PATL2: variants seen among roughly 807,000 people sequenced by gnomAD.
The protein encoded by PATL2 is protein PAT1 homolog 2.
PATL2 carries 73 observed loss-of-function variants against 77.0 expected under a neutral mutation model. That is an observed-to-expected ratio of 0.95 (90% confidence interval 0.78 to 1.15). The LOEUF is 1.15. PATL2 is among the 50% of genes most tolerant of loss of function. The probability of loss-of-function intolerance (pLI) is 0.00; values close to 1 mark genes in which losing one functional copy is unlikely to be tolerated. For missense variants in PATL2, 618 were observed against 655.4 expected, an observed-to-expected ratio of 0.94 and a Z score of 0.62; for synonymous variants, 265 against 257.1, an observed-to-expected ratio of 1.03 and a Z score of -0.29.
intron 6 of PATL2, among the ~76,000 whole-genome samples, chr15:44,673,692 G>A (rs186902497): frequency 3.9e-5 from 6 of 152,180 alleles, no homozygotes; most frequent in East Asian, 1.9e-4. Context: ...GTCTTCAGCC[G>A]CTGGGGCAGT....
intron 13 of PATL2, 43 bp downstream of exon 13, chr15:44,669,237 C>T: frequency 2.0e-6 from 3 of 1,535,774 alleles, no homozygotes; most frequent in Non-Finnish European, 1.8e-6. Flanking sequence ...GTCTTTGCTG[C>T]TCCTTCCCTT....
chr15:44,677,170 T>C (rs1423157736), intron 3 of PATL2, among the ~76,000 whole-genome samples: 1 of 152,204 alleles, frequency 6.6e-6, no homozygotes, highest in Non-Finnish European at 1.5e-5. Context: ...ACACCCTTCA[T>C]TGGTAGTTTG....
intron 3 of PATL2, among the ~76,000 whole-genome samples, chr15:44,683,020 T>C (rs1350987670): frequency 6.6e-6 from 1 of 152,186 alleles, no homozygotes; most frequent in Non-Finnish European, 1.5e-5. Context: ...GCCAAGGGAC[T>C]GTGAGGGACT....
chr15:44,679,556 T>TTC (rs2086085348), intron 3 of PATL2, among the ~76,000 whole-genome samples: 1 of 145,022 alleles, frequency 6.9e-6, no homozygotes, highest in African/African-American at 2.6e-5. Flanking sequence ...CTTTTTCTTT[T>TTC]TTTTTTTTTT....
Position 44,673,229 on chromosome 15 carries a change from C to A in PATL2, c.446+6G>T. 6.4e-7 allele frequency: 1 copy of A among 1,551,154 alleles called. No homozygotes were observed. The highest frequency in any genetic ancestry group is 8.7e-7 in the Non-Finnish European group (1 of 1,146,894). On this transcript the variant is annotated splice_donor_region_variant and intron_variant, in intron 7 of 17. Transcript: ENST00000682850. ...GAGACCTCTGGGGAGAACCTCAAAC[C>A]AGTACCTGAACCTAGGGGGCCACGA...
chr15:44,711,376 A>T, upstream of PATL2: 1 of 754,568 alleles, frequency 1.3e-6, no homozygotes, highest in Non-Finnish European at 2.3e-6. Flanking sequence ...ACTCTAAGAA[A>T]AGGAAACTGA....
Position 44,666,512 on chromosome 15 carries a change from T to C in PATL2, c.1493A>G (p.Glu498Gly), listed in dbSNP as rs1386761749. ...AGAGGCTGTAGGCATTTGGGCTATCTCCCAGGCAATCAGAACCACCATGTC... is the reference window on the plus strand; with the variant it reads ...AGAGGCTGTAGGCATTTGGGCTATCCCCCAGGCAATCAGAACCACCATGTC... ...WTDMVVLIAW[E>G]IAQMPTASLA... Residue 498 changes from glutamate (E) to glycine (G), a missense_variant, in exon 17 of 18, where the codon GAG becomes GGG. Glu to Gly is a moderately conservative substitution (Grantham distance 98). Coordinates refer to ENST00000682850, the MANE Select transcript of PATL2 (RefSeq NM_001387263.1). The C allele has an allele frequency of 6.4e-7, 1 of 1,551,116 alleles. No individual in the cohort carries two copies. Among genetic ancestry groups the C allele is most frequent in the Non-Finnish European group, 8.7e-7 (1 of 1,146,748 alleles).
chr15:44,676,621 C>T (rs1196492426), intron 3 of PATL2, 56 bp from the exon 4 acceptor site: 19 of 1,427,746 alleles, frequency 1.3e-5, no homozygotes, highest in Non-Finnish European at 3.8e-6. Flanking sequence ...GATGACATGG[C>T]ACCCTAAAAC....
At chr15:44,670,941 C>G (rs2085641986) in intron 9 of PATL2, among the ~76,000 whole-genome samples, 1 of 152,238 alleles carries the variant, frequency 6.6e-6, no homozygotes, top group African/African-American at 2.4e-5. Context: ...TGCTCAGCAG[C>G]TCTGACATTT....
chr15:44,669,596 A>G (rs1566849604), intron 11 of PATL2, 33 bp from the exon 12 acceptor site: 1 of 1,546,218 alleles, frequency 6.5e-7, no homozygotes, highest in South Asian at 1.2e-5. Context: ...TATCAGCTAC[A>G]CTGCCACTGC....
chr15:44,689,452 G>A (rs923296516), intron 3 of PATL2, among the ~76,000 whole-genome samples: 5 of 152,168 alleles, frequency 3.3e-5, no homozygotes, highest in African/African-American at 9.7e-5. Flanking sequence ...CAAAGACTTG[G>A]AACCAACCCA....
intron 3 of PATL2, among the ~76,000 whole-genome samples, chr15:44,694,937 A>G (rs999059797): frequency 6.6e-6 from 1 of 152,162 alleles, no homozygotes; most frequent in Non-Finnish European, 1.5e-5. Context: ...TTCAGCATGA[A>G]GTAGCCAGAA....
intron 3 of PATL2, among the ~76,000 whole-genome samples, chr15:44,684,057 A>C (rs942763828): frequency 6.6e-6 from 1 of 152,064 alleles, no homozygotes; most frequent in Non-Finnish European, 1.5e-5. Flanking sequence ...TCAACATAAA[A>C]AAAAAAAAAA....
At position 44,665,844 on chromosome 15, in the gene PATL2, A is replaced by C. The variant is rs1436827127; in HGVS notation, c.*109T>G. 2 of 1,544,714 alleles carry C rather than the reference A, an allele frequency of 1.3e-6. No individual in the cohort carries two copies. Among genetic ancestry groups the C allele is most frequent in the East Asian group, 2.5e-5 (1 of 40,778 alleles). ...AATGGGGAAGGGTTCTCCAATATAT[A>C]AAGGCATAAGAAATGTCTTCAGACT... is the stretch of plus-strand genomic sequence containing the variant. On this transcript the variant is annotated 3_prime_UTR_variant, in exon 18 of 18. Transcript: ENST00000682850.
At chr15:44,704,681 G>C (rs1365861317) in intron 3 of PATL2, among the ~76,000 whole-genome samples, 1 of 151,804 alleles carries the variant, frequency 6.6e-6, no homozygotes, top group Admixed American at 6.6e-5. Flanking sequence ...TTTTTTTTCT[G>C]TGTACTTCCA....
At chr15:44,692,737 T>C (rs2086420007) in intron 3 of PATL2, among the ~76,000 whole-genome samples, 1 of 152,292 alleles carries the variant, frequency 6.6e-6, no homozygotes. Context: ...TATCTTTGTC[T>C]TGGGGGCTGG....
At chr15:44,692,793 A>G (rs563156396) in intron 3 of PATL2, among the ~76,000 whole-genome samples, 21 of 152,392 alleles carry the variant, frequency 1.4e-4, no homozygotes, top group Admixed American at 1.4e-3. Context: ...TGGCAACAGC[A>G]GGTAGAGCAG....
In PATL2 at chr15:44,665,916, T is replaced by G; in HGVS notation, c.*37A>C. 6.4e-7 allele frequency: 1 copy of G among 1,550,492 alleles called. No individual in the cohort carries two copies. Among genetic ancestry groups the G allele is most frequent in the Non-Finnish European group, 8.7e-7 (1 of 1,146,586 alleles). On this transcript the variant is annotated 3_prime_UTR_variant, in exon 18 of 18. Transcript: ENST00000682850. ...GTCTATGTAGCTAGTGTCTGATGATTCAACTTCCCACATACACGTATTCCA... is the reference window on the plus strand; with the variant it reads ...GTCTATGTAGCTAGTGTCTGATGATGCAACTTCCCACATACACGTATTCCA...
intron 9 of PATL2, among the ~76,000 whole-genome samples, chr15:44,671,309 T>C (rs1416336946): frequency 6.6e-6 from 1 of 151,986 alleles, no homozygotes; most frequent in Non-Finnish European, 1.5e-5. Context: ...TCCAACATGG[T>C]GAAACCCCAT....
Sources: gnomAD v4.1 joint callset for allele counts (sites outside exome capture counted in the v4.1 genomes callset) on GRCh38, gnomAD v4.1.1 for gene constraint, MANE v1.5 for transcripts, NCBI Gene and HGNC (gene_info 2026-07-23, HGNC 2026-07-21) for gene names.